FAU: variants seen among roughly 807,000 people sequenced by gnomAD.
FAU encodes the protein FAU ubiquitin like and ribosomal protein S30 fusion.
For synonymous variants in FAU, 70 were observed against 69.9 expected, an observed-to-expected ratio of 1.00 and a Z score of -0.01; for missense variants, 125 against 173.9, an observed-to-expected ratio of 0.72 and a Z score of 1.58.
intron 1 of FAU, 44 bp from the exon 2 acceptor site, chr11:65,121,865 T>C: frequency 1.3e-6 from 2 of 1,595,138 alleles, no homozygotes; most frequent in Non-Finnish European, 1.7e-6. Flanking sequence ...CAAGAAATGC[T>C]CTGGGATAAA....
At position 65,120,988 on chromosome 11, in the gene FAU, G is replaced by T; in HGVS notation, c.269C>A (p.Thr90Asn). 6.2e-7 allele frequency: 1 copy of T among 1,614,130 alleles called. No homozygotes were observed. Residue 90 changes from threonine to asparagine, a missense_variant, in exon 4 of 5, where the codon ACT becomes AAT. Physicochemically the swap from Thr to Asn is moderately conservative, Grantham distance 65. Transcript: ENST00000529639. ...ACTAATACTCTCACTCACCTTAGGA[G>T]TCTGACCTCTCACTTTTCCAGCACG... ...LARAGKVRGQ[T>N]PKVAKQEKKK...
rs752717183 is a variant in FAU, at chr11:65,120,804, C to T, written c.279G>A (p.Val93=). The change falls in exon 5 of 5, where the codon GTG becomes GTA. Residue 93 remains valine (V), a splice_region_variant and synonymous_variant. Coordinates refer to ENST00000529639, the MANE Select transcript of FAU (RefSeq NM_001997.5). ...TCTTCTTCTTCTTCTCCTGTTTGGCCACCTGGAGAAGGGAAGGTTAATCAG... is the reference window on the plus strand; with the variant it reads ...TCTTCTTCTTCTTCTCCTGTTTGGCTACCTGGAGAAGGGAAGGTTAATCAG... ...AGKVRGQTPK[V]AKQEKKKKKT... is the part of the protein sequence containing the mutation. 1.9e-6 allele frequency: 3 copies of T among 1,613,938 alleles called. No homozygotes were observed. Among genetic ancestry groups the T allele is most frequent in the East Asian group, 2.2e-5 (1 of 44,904 alleles).
At chr11:65,121,321 C>T (rs1948044865) in intron 3 of FAU, 179 bp downstream of exon 3, 4 of 850,452 alleles carry the variant, frequency 4.7e-6, no homozygotes, top group Admixed American at 2.9e-5. Flanking sequence ...CACTCTGGCT[C>T]AGTCTCCCAT....
chr11:65,121,941 G>T, intron 1 of FAU, 120 bp from the exon 2 acceptor site: 2 of 1,044,448 alleles, frequency 1.9e-6, no homozygotes, highest in Non-Finnish European at 2.8e-6. Context: ...GGCGGCTCAC[G>T]TGGGGAAGGC....
chr11:65,120,775 G>GTCTTCT lies in FAU; in HGVS notation c.302_307dup (p.Lys101_Lys102dup). On this transcript the variant is annotated inframe_insertion, in exon 5 of 5. Coordinates refer to ENST00000529639, the MANE Select transcript of FAU (RefSeq NM_001997.5). The stretch of plus-strand genomic sequence containing the variant: ...CTGCATCCGCCGCTTAGCCCGACCT[G>GTCTTCT]TCTTCTTCTTCTTCTTCTCCTGTTT... The GTCTTCT allele has an allele frequency of 6.2e-7, 1 of 1,613,980 alleles. No individual in the cohort carries two copies.
At chr11:65,121,353 G>C in intron 3 of FAU, 147 bp downstream of exon 3, 3 of 1,099,282 alleles carry the variant, frequency 2.7e-6, no homozygotes, top group Non-Finnish European at 3.9e-6. Context: ...TTCAACATGA[G>C]GGATGTAAAC....
At position 65,121,741 on chromosome 11, in the gene FAU, T is replaced by G. The variant is rs1948050770; in HGVS notation, c.73A>C (p.Lys25Gln). Residue 25 changes from lysine (K) to glutamine (Q), a missense_variant and splice_region_variant, in exon 2 of 5, where the codon AAG becomes CAG. Physicochemically the swap from Lys to Gln is moderately conservative, Grantham distance 53 (BLOSUM62 1). Coordinates refer to ENST00000529639, the MANE Select transcript of FAU (RefSeq NM_001997.5). ...CAGGGCGCACCAAGCAGCCTTACCT[T>G]GATCTGGGCGACCGTTTCCTGGCCG... ...VTGQETVAQI[K>Q]AHVASLEGIA... 6.2e-7 allele frequency: 1 copy of G among 1,613,942 alleles called. No homozygotes were observed. The highest frequency in any genetic ancestry group is 1.1e-5 in the South Asian group (1 of 91,088).
At position 65,121,663 on chromosome 11, in the gene FAU, C is replaced by A; in HGVS notation, c.76-19G>T. The A allele has an allele frequency of 6.2e-7, 1 of 1,613,708 alleles. No individual in the cohort carries two copies. The highest frequency in any genetic ancestry group is 8.5e-7 in the Non-Finnish European group (1 of 1,179,854). On this transcript the variant is annotated intron_variant, in intron 2 of 4. Transcript: ENST00000529639. Reference sequence around the variant, plus strand: ...CATGAGCCTACAGGGAAAGATAAGGCTCGTAAGCGTTCCCTCGGGCCGCGA... The same window carrying A: ...CATGAGCCTACAGGGAAAGATAAGGATCGTAAGCGTTCCCTCGGGCCGCGA...
Position 65,121,735 on chromosome 11 carries a change from T to C in FAU, c.75+4A>G. ...GGAACCCAGGGCGCACCAAGCAGCCTTACCTTGATCTGGGCGACCGTTTCC... is the reference window on the plus strand; with the variant it reads ...GGAACCCAGGGCGCACCAAGCAGCCCTACCTTGATCTGGGCGACCGTTTCC... On this transcript the variant is annotated splice_donor_region_variant and intron_variant, in intron 2 of 4. Coordinates refer to ENST00000529639, the MANE Select transcript of FAU (RefSeq NM_001997.5). The C allele has an allele frequency of 6.2e-7, 1 of 1,614,086 alleles. No homozygotes were observed. Among genetic ancestry groups the C allele is most frequent in the Non-Finnish European group, 8.5e-7 (1 of 1,180,028 alleles).
In FAU at chr11:65,121,051, G is replaced by A; in HGVS notation, c.221-15C>T. ...ATGGACTTTACCTGTAGTGGGAAAG[G>A]AAGGCACCAGCAGGTAAGAGCAAGA... On this transcript the variant is annotated splice_polypyrimidine_tract_variant and intron_variant, in intron 3 of 4. Transcript: ENST00000529639. 2.5e-6 allele frequency: 4 copies of A among 1,614,048 alleles called. No individual in the cohort carries two copies. Among genetic ancestry groups the A allele is most frequent in the Middle Eastern group, 1.6e-4 (1 of 6,062 alleles).
In FAU at chr11:65,120,786, C is replaced by T. The variant is rs3202210; in HGVS notation, c.297G>A (p.Lys99=). The change falls in exon 5 of 5, where the codon AAG becomes AAA. Residue 99 remains lysine, a synonymous_variant. Coordinates refer to ENST00000529639, the MANE Select transcript of FAU (RefSeq NM_001997.5). Reference sequence around the variant, plus strand: ...GCTTAGCCCGACCTGTCTTCTTCTTCTTCTTCTCCTGTTTGGCCACCTGGA... The same window carrying T: ...GCTTAGCCCGACCTGTCTTCTTCTTTTTCTTCTCCTGTTTGGCCACCTGGA... ...QTPKVAKQEK[K]KKKTGRAKRR... 64 of 1,614,128 alleles carry T rather than the reference C, an allele frequency of 4.0e-5. No homozygotes were observed. The highest frequency in any genetic ancestry group is 5.3e-5 in the Non-Finnish European group (62 of 1,180,018).
Position 65,120,680 on chromosome 11 carries a change from C to G in FAU, c.*1G>C, listed in dbSNP as rs1243709539. ...TAGAGAAAGCCAGAATTACAAAAGA[C>G]TTAAGAGTTGGCATTGGGGCCCTTC... On this transcript the variant is annotated 3_prime_UTR_variant, in exon 5 of 5. Transcript: ENST00000529639. 6.2e-7 allele frequency: 1 copy of G among 1,614,060 alleles called. No homozygotes were observed. The highest frequency in any genetic ancestry group is 1.7e-5 in the Admixed American group (1 of 60,012).
Position 65,121,045 on chromosome 11 carries a change from G to A in FAU, c.221-9C>T, listed in dbSNP as rs1166649505. Reference sequence around the variant, plus strand: ...GGAACCATGGACTTTACCTGTAGTGGGAAAGGAAGGCACCAGCAGGTAAGA... The same window carrying A: ...GGAACCATGGACTTTACCTGTAGTGAGAAAGGAAGGCACCAGCAGGTAAGA... On this transcript the variant is annotated splice_polypyrimidine_tract_variant and intron_variant, in intron 3 of 4. Coordinates refer to ENST00000529639, the MANE Select transcript of FAU (RefSeq NM_001997.5). 6.2e-7 allele frequency: 1 copy of A among 1,614,080 alleles called. No individual in the cohort carries two copies. The highest frequency in any genetic ancestry group is 8.5e-7 in the Non-Finnish European group (1 of 1,180,010).
chr11:65,120,646 C>G lies in FAU; in HGVS notation c.*35G>C. ...ACAATGCGATGACTGAACTAAGTGG[C>G]TTTTTTATTAGAGAAAGCCAGAATT... On this transcript the variant is annotated 3_prime_UTR_variant, in exon 5 of 5. Transcript: ENST00000529639. The G allele has an allele frequency of 6.2e-7, 1 of 1,611,588 alleles. No individual in the cohort carries two copies. Among genetic ancestry groups the G allele is most frequent in the Non-Finnish European group, 8.5e-7 (1 of 1,179,090 alleles).
At position 65,121,518 on chromosome 11, in the gene FAU, C is replaced by T; in HGVS notation, c.202G>A (p.Ala68Thr). 6.2e-7 allele frequency: 1 copy of T among 1,613,498 alleles called. No homozygotes were observed. Among genetic ancestry groups the T allele is most frequent in the South Asian group, 1.1e-5 (1 of 91,028 alleles). ...GVEALTTLEVAGRMLGGKVHG... is the reference protein window; with the variant it reads ...GVEALTTLEVTGRMLGGKVHG... ...CACTCACCTCCAAGCATGCGGCCTGCTACTTCCAGGGTAGTCAGGGCCTCC... is the reference window on the plus strand; with the variant it reads ...CACTCACCTCCAAGCATGCGGCCTGTTACTTCCAGGGTAGTCAGGGCCTCC... The change falls in exon 3 of 5, where the codon GCA becomes ACA. Residue 68 changes from alanine to threonine, a missense_variant. Transcript: ENST00000529639.
At chr11:65,121,297 C>T in intron 3 of FAU, 1 of 787,394 alleles carries the variant, frequency 1.3e-6, no homozygotes, top group Non-Finnish European at 2.0e-6. Context: ...CGTGATGTGA[C>T]TGAAATACAA....
chr11:65,121,211 C>T (rs762446314), intron 3 of FAU, 175 bp from the exon 4 acceptor site: 138 of 799,636 alleles, frequency 1.7e-4, no homozygotes, highest in Non-Finnish European at 2.4e-4. Flanking sequence ...CTTCCAGCTT[C>T]TAATTTTATA....
intron 1 of FAU, 91 bp from the exon 2 acceptor site, chr11:65,121,912 G>A: frequency 1.5e-6 from 2 of 1,325,066 alleles, no homozygotes; most frequent in Non-Finnish European, 2.1e-6. Context: ...AGAAACGATC[G>A]CGACGGGATG....
intron 3 of FAU, 87 bp downstream of exon 3, chr11:65,121,413 A>C: frequency 6.7e-7 from 1 of 1,491,748 alleles, no homozygotes; most frequent in Non-Finnish European, 9.1e-7. Context: ...CTATTACCAT[A>C]GGTGTGACAC....
Sources: allele counts gnomAD v4.1 joint callset, GRCh38; gene constraint gnomAD v4.1.1; transcripts MANE v1.5; gene names NCBI Gene and HGNC (gene_info 2026-07-23, HGNC 2026-07-21).